OTOA: variants seen among roughly 807,000 people sequenced by gnomAD.
OTOA encodes the protein otoancorin, also known as cancer/testis antigen 108.
In OTOA, 70 loss-of-function variants were observed where a neutral mutation model predicts 110.8. The observed-to-expected ratio is 0.63, with a 90% CI of 0.52 to 0.77. OTOA has a LOEUF of 0.77. Among genes scored for constraint, OTOA ranks in the 30% least tolerant of loss-of-function variants. The pLI is 0.00. For missense variants in OTOA, 917 were observed against 1,075.8 expected, an observed-to-expected ratio of 0.85 and a Z score of 2.06; for synonymous variants, 373 against 431.5, an observed-to-expected ratio of 0.86 and a Z score of 1.68.
At chr16:21,714,566 C>G (rs1881991207) in intron 13 of OTOA, among the ~76,000 whole-genome samples, 1 of 151,136 alleles carries the variant, frequency 6.6e-6, no homozygotes, top group South Asian at 2.1e-4. Context: ...GTCTGGAGTG[C>G]AATGGTACAA....
At chr16:21,725,828 A>G (rs1191324667) in intron 18 of OTOA, among the ~76,000 whole-genome samples, 1 of 152,190 alleles carries the variant, frequency 6.6e-6, no homozygotes, top group Non-Finnish European at 1.5e-5. Context: ...GAAAGAAATT[A>G]TACACTGAGG....
At position 21,757,063 on chromosome 16, in the gene OTOA, G is replaced by GC; in HGVS notation, c.3154-15dup. Reference sequence around the variant, plus strand: ...GGGAGGGGCCCCGTGTGAGGGTGCTGCCCCTTTGCCTCCTGCAGGAGCTGT... The same window carrying GC: ...GGGAGGGGCCCCGTGTGAGGGTGCTGCCCCCTTTGCCTCCTGCAGGAGCTGT... On this transcript the variant is annotated intron_variant, in intron 27 of 28. Transcript: ENST00000646100. 2.6e-6 allele frequency: 1 copy of GC among 382,824 alleles called. No individual in the cohort carries two copies. Among genetic ancestry groups the GC allele is most frequent in the East Asian group, 4.5e-5 (1 of 22,334 alleles). 23.7% of individuals were successfully genotyped at this position (382,824 alleles called of 1,614,324 possible).
chr16:21,706,281 C>T (rs992687761), intron 12 of OTOA, among the ~76,000 whole-genome samples: 4 of 152,126 alleles, frequency 2.6e-5, no homozygotes, highest in East Asian at 1.9e-4. Context: ...TGAGCCATTG[C>T]GCCCAGCTGA....
At chr16:21,696,198 G>A (rs956384009) in intron 9 of OTOA, among the ~76,000 whole-genome samples, 6 of 151,952 alleles carry the variant, frequency 3.9e-5, no homozygotes, top group Middle Eastern at 3.4e-3. Flanking sequence ...TGGCTGACTT[G>A]ATGGTTTTTA....
chr16:21,671,594 AAAAAAAGAAAAAAG>A (rs1262106382), intron 1 of OTOA, among the ~76,000 whole-genome samples: 4 of 148,896 alleles, frequency 2.7e-5, no homozygotes, highest in Non-Finnish European at 3.0e-5. Context: ...ATCAAAAAAA[AAAAAAAGAAAAAAG>A]AAAAAAGAAA....
At chr16:21,688,854 A>G (rs1421293247) in intron 8 of OTOA, among the ~76,000 whole-genome samples, 1 of 152,198 alleles carries the variant, frequency 6.6e-6, no homozygotes, top group Non-Finnish European at 1.5e-5. Flanking sequence ...GCAAACATTC[A>G]GTCCACAGCA....
intron 12 of OTOA, among the ~76,000 whole-genome samples, chr16:21,708,930 A>T (rs1240163238): frequency 6.6e-6 from 1 of 152,212 alleles, no homozygotes; most frequent in Non-Finnish European, 1.5e-5. Flanking sequence ...TATTAAAATG[A>T]TCATAGAAAT....
At chr16:21,679,681 A>T (rs967759426) in intron 5 of OTOA, among the ~76,000 whole-genome samples, 1 of 152,200 alleles carries the variant, frequency 6.6e-6, no homozygotes, top group Non-Finnish European at 1.5e-5. Context: ...CTGGGATTAC[A>T]GGTGTGAGCC....
At chr16:21,684,512 A>T (rs1365808302) in intron 6 of OTOA, 7 of 1,550,742 alleles carry the variant, frequency 4.5e-6, no homozygotes, top group Non-Finnish European at 6.1e-6. Flanking sequence ...GACAAAGGCC[A>T]GCTGCTGCTG....
At chr16:21,755,560 G>A (rs1899954055) in intron 27 of OTOA, among the ~76,000 whole-genome samples, 2 of 120,008 alleles carry the variant, frequency 1.7e-5, no homozygotes, top group Admixed American at 8.9e-5. Flanking sequence ...GTTGCCCAAG[G>A]GAGTGCAGTG....
intron 12 of OTOA, among the ~76,000 whole-genome samples, chr16:21,707,144 C>T (rs1000073696): frequency 2.3e-4 from 35 of 151,840 alleles, no homozygotes; most frequent in African/African-American, 5.3e-4. Flanking sequence ...GGATTACAGG[C>T]GTCAGCCACC....
At position 21,705,283 on chromosome 16, in the gene OTOA, C is replaced by T. The variant is rs115543159; in HGVS notation, c.1095C>T (p.Gly365=). 1.8e-3 allele frequency: 2,942 copies of T among 1,613,868 alleles called. 53 individuals carry two copies. In the African/African-American group the frequency reaches 0.033, roughly 18 times the overall value. ...GCCACCTGAGGGGCTTCCAGGCTGG[C>T]GTCCAGAAGGTACAGCTGGGGTGCA... ...KCSHLRGFQA[G]VQKLKAELLD... is the part of the protein sequence containing the mutation. The change falls in exon 12 of 29, where the codon GGC becomes GGT. Residue 365 remains glycine (G), a synonymous_variant. Transcript: ENST00000646100.
intron 11 of OTOA, among the ~76,000 whole-genome samples, chr16:21,702,667 A>AT (rs1181475654): frequency 6.6e-6 from 1 of 152,026 alleles, no homozygotes; most frequent in Non-Finnish European, 1.5e-5. Flanking sequence ...AATGAATAAT[A>AT]TTTTTTCTTT....
At chr16:21,680,853 CAAAA>C (rs1229330756) in intron 5 of OTOA, among the ~76,000 whole-genome samples, 2 of 70,810 alleles carry the variant, frequency 2.8e-5, no homozygotes, top group Non-Finnish European at 3.0e-5. Flanking sequence ...ACTCTGTCTC[CAAAA>C]AAAAAAAAAA....
At chr16:21,717,132 T>C in intron 15 of OTOA, 85 bp downstream of exon 15, 1 of 1,561,152 alleles carries the variant, frequency 6.4e-7, no homozygotes, top group Non-Finnish European at 8.8e-7. Context: ...GTTAATTTGA[T>C]AAAAGAAATT....
At position 21,717,013 on chromosome 16, in the gene OTOA, C is replaced by T. The variant is rs758262738; in HGVS notation, c.1595C>T (p.Thr532Ile). The T allele has an allele frequency of 3.1e-6, 5 of 1,614,128 alleles. No homozygotes were observed. In the Admixed American group the frequency reaches 5.0e-5, roughly 16 times the overall value. The stretch of plus-strand genomic sequence containing the variant: ...AGGAGGCAACCTGGATTCAACTCTA[C>T]AGTCCTGAAGGATAAGGAACTTGGA... ...DLRRQPGFNS[T>I]VLKDKELGRS... Residue 532 changes from threonine to isoleucine, a missense_variant, in exon 15 of 29, where the codon ACA becomes ATA. Physicochemically the swap from Thr to Ile is moderately conservative, Grantham distance 89. Coordinates refer to ENST00000646100, the MANE Select transcript of OTOA (RefSeq NM_144672.4).
chr16:21,721,688 A>G (rs1898747168), intron 17 of OTOA, among the ~76,000 whole-genome samples: 1 of 152,222 alleles, frequency 6.6e-6, no homozygotes, highest in East Asian at 1.9e-4. Flanking sequence ...TAGGACTTTG[A>G]AACCAACCTG....
At chr16:21,734,028 G>A (rs1362434817) in intron 21 of OTOA, among the ~76,000 whole-genome samples, 1 of 151,808 alleles carries the variant, frequency 6.6e-6, no homozygotes, top group Non-Finnish European at 1.5e-5. Context: ...TTGAACCCTT[G>A]ACCTCAGGTG....
chr16:21,678,017 G>C (rs1966863991), intron 1 of OTOA, among the ~76,000 whole-genome samples: 1 of 151,974 alleles, frequency 6.6e-6, no homozygotes, highest in Non-Finnish European at 1.5e-5. Context: ...CTCCCAAGTA[G>C]CTGGGACTAC....
Sources: gnomAD v4.1 joint callset for allele counts (sites outside exome capture counted in the v4.1 genomes callset) on GRCh38, gnomAD v4.1.1 for gene constraint, MANE v1.5 for transcripts, NCBI Gene and HGNC (gene_info 2026-07-23, HGNC 2026-07-21) for gene names.